Variants in TENM4 observed in about 807,000 individuals in gnomAD.
TENM4 encodes teneurin transmembrane protein 4, also known as teneurin-4.
Under a neutral mutation model 243.3 loss-of-function variants are expected in TENM4, and 82 were observed. That is an observed-to-expected ratio of 0.34 (90% CI 0.28 to 0.40). The LOEUF (loss-of-function observed/expected upper bound fraction) is 0.40, where lower values mean the gene tolerates loss of function less well. TENM4 is among the 10% of genes least tolerant of loss of function. The pLI is 1.00. For missense variants in TENM4, 3,138 were observed against 3,673.3 expected (o/e 0.85, Z 3.77); for synonymous variants, 1,412 against 1,456.3 (o/e 0.97, Z 0.69).
chr11:79,370,013 C>A lies in TENM4; in HGVS notation c.-321+70496G>T, dbSNP rs557583162. On this transcript the variant is annotated intron_variant, in intron 1 of 33. Coordinates refer to ENST00000278550, the MANE Select transcript of TENM4 (RefSeq NM_001098816.3). ...CATGCAATTTTCCGTAAGCTGCTTC[C>A]TCATTCTGGGTCTGTTTCCTCATCA... is the stretch of plus-strand genomic sequence containing the variant. Among the ~76,000 whole-genome samples, 25 of 152,306 alleles carry A rather than the reference C, an allele frequency of 1.6e-4. No individual in the cohort carries two copies. In the East Asian group the frequency reaches 4.8e-3, roughly 29 times the overall value.
At chr11:79,283,037 A>C (rs1257766747) in intron 2 of TENM4, among the ~76,000 whole-genome samples, 1 of 152,186 alleles carries the variant, frequency 6.6e-6, no homozygotes, top group Non-Finnish European at 1.5e-5. Flanking sequence ...TATTAGCTGT[A>C]GTAAGCCTTG....
chr11:79,320,884 G>C (rs2135427838), intron 1 of TENM4, among the ~76,000 whole-genome samples: 1 of 152,234 alleles, frequency 6.6e-6, no homozygotes, highest in African/African-American at 2.4e-5. Context: ...TATACAACCT[G>C]CCAAGGCCAC....
At chr11:79,308,896 G>T (rs1856672260) in intron 1 of TENM4, among the ~76,000 whole-genome samples, 1 of 152,158 alleles carries the variant, frequency 6.6e-6, no homozygotes, top group Admixed American at 6.5e-5. Context: ...AAAAGGAGCA[G>T]GAAAGGGCCT....
chr11:78,862,999 T>G lies in TENM4; in HGVS notation c.1218A>C (p.Leu406Phe), dbSNP rs953420367. 5 of 1,505,522 alleles carry G rather than the reference T, an allele frequency of 3.3e-6. No individual in the cohort carries two copies. Among genetic ancestry groups the G allele is most frequent in the African/African-American group, 1.4e-5 (1 of 72,144 alleles). The allele number at this position is 1,505,522 out of a possible 1,614,324, so 93.3% of individuals were successfully genotyped here. A position where few individuals can be genotyped will look rare whatever the true frequency, so the allele number is the denominator to read the frequency against. The change falls in exon 10 of 34, where the codon TTA (leucine) becomes TTC (phenylalanine). Residue 406 changes from leucine (L) to phenylalanine (F), a missense_variant. This residue lies in a region of TENM4 where 671 missense variants were observed against 614.1 expected (regional missense o/e 1.09). Coordinates refer to ENST00000278550, the MANE Select transcript of TENM4 (RefSeq NM_001098816.3). ...CTTTGCCTTTCCTGTCAGGGGTCTCTAAGCCAGTGCCCCCTGAGGGGTATA... is the reference window on the plus strand; with the variant it reads ...CTTTGCCTTTCCTGTCAGGGGTCTCGAAGCCAGTGCCCCCTGAGGGGTATA... ...VSLYPSGGTG[L>F]ETPDRKGKGT...
intron 6 of TENM4, among the ~76,000 whole-genome samples, chr11:78,986,596 G>A (rs369392796): frequency 1.3e-4 from 20 of 152,252 alleles, no homozygotes; most frequent in Admixed American, 5.9e-4. Context: ...ACAGAGTCTC[G>A]CTCTGTCGTC....
chr11:79,349,961 T>C (rs1457697424), intron 1 of TENM4, among the ~76,000 whole-genome samples: 2 of 151,842 alleles, frequency 1.3e-5, no homozygotes, highest in Non-Finnish European at 2.9e-5. Context: ...ACGAGGAGAG[T>C]GCGTGGAGAT....
intron 1 of TENM4, among the ~76,000 whole-genome samples, chr11:79,377,526 C>A (rs537852384): frequency 6.6e-6 from 1 of 152,160 alleles, no homozygotes; most frequent in East Asian, 1.9e-4. Context: ...AGTAACAGTT[C>A]GCACCTGCAG....
chr11:79,281,991 A>G (rs948549547), intron 2 of TENM4, among the ~76,000 whole-genome samples: 1 of 152,202 alleles, frequency 6.6e-6, no homozygotes, highest in African/African-American at 2.4e-5. Flanking sequence ...CAGGCCCACT[A>G]GGCAGATTCC....
chr11:78,771,003 T>A lies in TENM4; in HGVS notation c.2528A>T (p.Asp843Val). The change falls in exon 18 of 34, where the codon GAC becomes GTC. Residue 843 changes from aspartate to valine, a missense_variant. By Grantham distance (152) the Asp-to-Val change is radical. This residue lies in a region of TENM4 where 2,467 missense variants were observed against 3,059.1 expected (regional missense o/e 0.81). Coordinates refer to ENST00000278550, the MANE Select transcript of TENM4 (RefSeq NM_001098816.3). ...SMETACGDSK[D>V]NDGDGLVDCM... Reference sequence around the variant, plus strand: ...TGCCAGAGCCCTACCTCCATCATTGTCTTTGCTGTCACCGCAGGCAGTCTC... The same window carrying A: ...TGCCAGAGCCCTACCTCCATCATTGACTTTGCTGTCACCGCAGGCAGTCTC... The A allele has an allele frequency of 6.3e-7, 1 of 1,584,570 alleles. No homozygotes were observed. The highest frequency in any genetic ancestry group is 8.6e-7 in the Non-Finnish European group (1 of 1,165,342).
At chr11:79,321,506 G>T (rs1007810204) in intron 1 of TENM4, among the ~76,000 whole-genome samples, 3 of 152,122 alleles carry the variant, frequency 2.0e-5, no homozygotes, top group African/African-American at 7.2e-5. Flanking sequence ...TCACAGGAAA[G>T]GGGGAGGGGG....
At chr11:78,782,194 C>T (rs954327705) in intron 16 of TENM4, among the ~76,000 whole-genome samples, 1 of 151,016 alleles carries the variant, frequency 6.6e-6, no homozygotes, top group African/African-American at 2.4e-5. Flanking sequence ...TGTGGTGGCT[C>T]GTGCCTGTAG....
chr11:78,666,826 T>C (rs1858169447), intron 32 of TENM4, among the ~76,000 whole-genome samples: 1 of 152,182 alleles, frequency 6.6e-6, no homozygotes, highest in African/African-American at 2.4e-5. Context: ...AGAGCATATC[T>C]GCCAAGTGCC....
At chr11:79,411,856 T>C (rs574673192) in intron 1 of TENM4, among the ~76,000 whole-genome samples, 1 of 152,344 alleles carries the variant, frequency 6.6e-6, no homozygotes, top group South Asian at 2.1e-4. Context: ...ATTTCAGCTC[T>C]GTCAATGTGT....
chr11:79,270,054 A>C (rs1044637924), intron 2 of TENM4, among the ~76,000 whole-genome samples: 3 of 151,806 alleles, frequency 2.0e-5, no homozygotes, highest in Non-Finnish European at 4.4e-5. Context: ...CACTCCACCA[A>C]GACTCCTCAG....
intron 1 of TENM4, among the ~76,000 whole-genome samples, chr11:79,351,555 A>T (rs1366802094): frequency 6.6e-6 from 1 of 151,930 alleles, no homozygotes; most frequent in Non-Finnish European, 1.5e-5. Flanking sequence ...AAAATACAAA[A>T]ATTAGCCAGG....
At chr11:78,749,353 C>A (rs949428756) in intron 19 of TENM4, 1 of 116,116 alleles carries the variant, frequency 8.6e-6, no homozygotes, top group Admixed American at 8.9e-5. Context: ...CATTGTCTTT[C>A]TTTCCTTTTT....
intron 9 of TENM4, among the ~76,000 whole-genome samples, chr11:78,869,708 T>C (rs1859075723): frequency 6.6e-6 from 1 of 152,140 alleles, no homozygotes; most frequent in Non-Finnish European, 1.5e-5. Flanking sequence ...AAGGCCAAAT[T>C]TGAACCCCGA....
In TENM4 at chr11:78,729,615, C is replaced by T; in HGVS notation, c.3167G>A (p.Gly1056Asp). 1 of 1,612,280 alleles carries T rather than the reference C, an allele frequency of 6.2e-7. No individual in the cohort carries two copies. Among genetic ancestry groups the T allele is most frequent in the East Asian group, 2.2e-5 (1 of 44,806 alleles). Residue 1056 changes from glycine (G) to aspartate (D), a missense_variant, in exon 22 of 34, where the codon GGC (glycine) becomes GAC (aspartate). Gly to Asp is a moderately conservative substitution (Grantham distance 94). Around this residue, in one of 2 missense-constraint regions of TENM4, gnomAD observed 2,467 missense variants for 3,059.1 expected, o/e 0.81. Coordinates refer to ENST00000278550, the MANE Select transcript of TENM4 (RefSeq NM_001098816.3). ...QALQEEISIS[G>D]CKMRLSYLSS... ...CAGGTAGCTCAGCCTCATCTTGCAG[C>T]CAGAGATAGAGATTTCCTCCTGCAA...
intron 2 of TENM4, among the ~76,000 whole-genome samples, chr11:79,277,314 T>A (rs547561701): frequency 6.6e-6 from 1 of 152,240 alleles, no homozygotes; most frequent in Admixed American, 6.5e-5. Flanking sequence ...CTAACAGTTG[T>A]TGACGATTTA....
Sources: allele counts gnomAD v4.1 joint callset (sites outside exome capture counted in the v4.1 genomes callset), GRCh38; gene constraint gnomAD v4.1.1; regional missense constraint gnomAD v4.1.1; transcripts MANE v1.5; gene names NCBI Gene and HGNC (gene_info 2026-07-23, HGNC 2026-07-21).